Variants in TRDN observed in about 807,000 individuals in gnomAD.
TRDN encodes the protein triadin.
TRDN carries 161 observed loss-of-function variants against 149.7 expected under a neutral mutation model. The observed-to-expected ratio is 1.08, with a 90% CI of 0.95 to 1.23. TRDN has a LOEUF of 1.23. Among genes scored for constraint, TRDN ranks in the 50% most tolerant of loss-of-function variants. The probability of loss-of-function intolerance (pLI) is 0.00; values close to 1 mark genes in which losing one functional copy is unlikely to be tolerated. For missense variants in TRDN, 896 were observed against 823.5 expected, an observed-to-expected ratio of 1.09 and a Z score of -1.08; for synonymous variants, 294 against 250.5, an observed-to-expected ratio of 1.17 and a Z score of -1.64.
chr6:123,447,436 C>T (rs976677591), intron 10 of TRDN, among the ~76,000 whole-genome samples: 3 of 152,128 alleles, frequency 2.0e-5, no homozygotes, highest in African/African-American at 7.2e-5. Context: ...TCAAGAGAGA[C>T]ATGCAACTCC....
chr6:123,434,999 C>T (rs993875878), intron 12 of TRDN, among the ~76,000 whole-genome samples: 21 of 151,782 alleles, frequency 1.4e-4, no homozygotes, highest in East Asian at 1.9e-4. Flanking sequence ...CAGTGTCATA[C>T]GGTAGAAGCC....
In TRDN at chr6:123,602,461, C is replaced by G. The variant is rs1784323554; in HGVS notation, c.23-31329G>C. ...GTAGGGGGGAACGAGGGATAAAAGA[C>G]TACATATTGGGTACAGTGTACCCTG... On this transcript the variant is annotated intron_variant, in intron 1 of 40. Transcript: ENST00000334268. 2.0e-5 allele frequency among the ~76,000 whole-genome samples: 3 copies of G among 152,126 alleles called. No individual in the cohort carries two copies. The South Asian group carries it at 6.2e-4, about 32-fold the overall frequency.
At chr6:123,234,512 G>A (rs570846596) in intron 38 of TRDN, among the ~76,000 whole-genome samples, 19 of 152,174 alleles carry the variant, frequency 1.2e-4, no homozygotes, top group Admixed American at 5.9e-4. Context: ...TGAAGCACTC[G>A]CTAAATTTTT....
chr6:123,529,070 A>G (rs542709081), intron 5 of TRDN: 3 of 1,431,116 alleles, frequency 2.1e-6, no homozygotes, highest in South Asian at 1.5e-5. Context: ...TCAGAATTCT[A>G]ATATAGCCAG....
chr6:123,624,029 C>T (rs777701041), intron 1 of TRDN, among the ~76,000 whole-genome samples: 4 of 152,102 alleles, frequency 2.6e-5, no homozygotes, highest in Non-Finnish European at 5.9e-5. Flanking sequence ...GTTACATATA[C>T]AATTATCTCA....
At chr6:123,371,064 A>G (rs1389194636) in intron 19 of TRDN, among the ~76,000 whole-genome samples, 28 of 151,966 alleles carry the variant, frequency 1.8e-4, no homozygotes, top group Admixed American at 1.8e-3. Context: ...CATAATTTTA[A>G]TACAATAAAA....
intron 32 of TRDN, 110 bp downstream of exon 32, chr6:123,267,597 C>T: frequency 1.4e-6 from 1 of 703,794 alleles, no homozygotes; most frequent in Non-Finnish European, 2.2e-6. Context: ...CACAGGACAA[C>T]ACATTACCAG....
At chr6:123,269,996 C>T in intron 30 of TRDN, 130 bp from the exon 31 acceptor site, 2 of 704,224 alleles carry the variant, frequency 2.8e-6, no homozygotes, top group South Asian at 6.6e-5. Flanking sequence ...AACCTGTTTT[C>T]TTTGACCACT....
chr6:123,553,017 A>C (rs2114459215), intron 2 of TRDN, among the ~76,000 whole-genome samples: 1 of 152,312 alleles, frequency 6.6e-6, no homozygotes, highest in South Asian at 2.1e-4. Context: ...TGACAATAAG[A>C]CTGCATAAGG....
In TRDN at chr6:123,218,172, G is replaced by A. The variant is rs1229314533; in HGVS notation, c.*429C>T. 1 of 152,056 alleles carries A rather than the reference G, an allele frequency of 6.6e-6. No individual in the cohort carries two copies. Among genetic ancestry groups the A allele is most frequent in the Non-Finnish European group, 1.5e-5 (1 of 68,310 alleles). 9.4% of individuals were successfully genotyped at this position (152,056 alleles called of 1,614,324 possible). A position where few individuals can be genotyped will look rare whatever the true frequency, so the allele number is the denominator to read the frequency against. On this transcript the variant is annotated 3_prime_UTR_variant, in exon 41 of 41. Coordinates refer to ENST00000334268, the MANE Select transcript of TRDN (RefSeq NM_006073.4). ...TTTAGATACCCATATGATGCAAAAG[G>A]GTCACTTTTATATAAGCTTCCCCAT...
chr6:123,255,237 CA>C, intron 36 of TRDN, 112 bp from the exon 37 acceptor site: 2 of 469,098 alleles, frequency 4.3e-6, no homozygotes, highest in Middle Eastern at 6.5e-4. Context: ...AATATTTTCT[CA>C]AGTTGGTTTT....
At chr6:123,296,175 G>C (rs1329890612) in intron 24 of TRDN, among the ~76,000 whole-genome samples, 1 of 152,000 alleles carries the variant, frequency 6.6e-6, no homozygotes, top group African/African-American at 2.4e-5. Context: ...TAATCTATCA[G>C]AGCATGTTTA....
In TRDN at chr6:123,278,310, A is replaced by G; in HGVS notation, c.1567+8T>C. The G allele has an allele frequency of 2.3e-6, 3 of 1,291,516 alleles. No individual in the cohort carries two copies. Among genetic ancestry groups the G allele is most frequent in the Non-Finnish European group, 3.1e-6 (3 of 956,728 alleles). 80.0% of individuals were successfully genotyped at this position (1,291,516 alleles called of 1,614,324 possible). A position where few individuals can be genotyped will look rare whatever the true frequency, so the allele number is the denominator to read the frequency against. Reference sequence around the variant, plus strand: ...AATCATATATGTGTATAAATAAAATATACATACCTGGCTTCTCTTCCTTTT... The same window carrying G: ...AATCATATATGTGTATAAATAAAATGTACATACCTGGCTTCTCTTCCTTTT... On this transcript the variant is annotated splice_region_variant and intron_variant, in intron 26 of 40. Transcript: ENST00000334268.
intron 10 of TRDN, among the ~76,000 whole-genome samples, chr6:123,452,826 G>A (rs527653727): frequency 3.9e-5 from 6 of 152,194 alleles, no homozygotes; most frequent in African/African-American, 1.2e-4. Context: ...AAATCTGGAC[G>A]CATCACACTA....
chr6:123,378,010 A>G, intron 16 of TRDN, 112 bp from the exon 17 acceptor site: 1 of 662,464 alleles, frequency 1.5e-6, no homozygotes, highest in Non-Finnish European at 2.4e-6. Context: ...GCCAGATTGC[A>G]GCAACTAATA....
At chr6:123,564,512 G>A (rs1329015854) in intron 2 of TRDN, among the ~76,000 whole-genome samples, 4 of 152,098 alleles carry the variant, frequency 2.6e-5, no homozygotes, top group Non-Finnish European at 5.9e-5. Flanking sequence ...CTGACAAACC[G>A]TGCACCTGCT....
intron 36 of TRDN, among the ~76,000 whole-genome samples, chr6:123,255,616 C>T (rs1776529399): frequency 6.6e-6 from 1 of 152,104 alleles, no homozygotes; most frequent in Non-Finnish European, 1.5e-5. Context: ...ATACTTTGCT[C>T]ATCAATGGCA....
intron 11 of TRDN, 107 bp from the exon 12 acceptor site, chr6:123,438,229 A>G (rs1198868624): frequency 1.3e-6 from 1 of 777,620 alleles, no homozygotes; most frequent in Non-Finnish European, 2.0e-6. Context: ...GTATAGAGAA[A>G]TCTTAAATCA....
At chr6:123,341,694 T>A (rs1250902094) in intron 21 of TRDN, among the ~76,000 whole-genome samples, 1 of 151,984 alleles carries the variant, frequency 6.6e-6, no homozygotes, top group Non-Finnish European at 1.5e-5. Context: ...CAGATTTTAG[T>A]TATATATTTA....
Sources: allele counts gnomAD v4.1 joint callset (sites outside exome capture counted in the v4.1 genomes callset), GRCh38; gene constraint gnomAD v4.1.1; transcripts MANE v1.5; gene names NCBI Gene and HGNC (gene_info 2026-07-23, HGNC 2026-07-21).